Variants in ADAM9 observed in about 807,000 individuals in gnomAD.
ADAM9 encodes the protein ADAM metallopeptidase domain 9, also known as disintegrin and metalloproteinase domain-containing protein 9.
Under a neutral mutation model 108.1 loss-of-function variants are expected in ADAM9, and 54 were observed. The ratio of observed to expected loss-of-function variants is 0.50; its 90% CI spans 0.40 to 0.63. The LOEUF (loss-of-function observed/expected upper bound fraction) is 0.63. ADAM9 is among the 20% of genes least tolerant of loss of function. The pLI is 0.00. For missense variants in ADAM9, 830 were observed against 997.7 expected, an observed-to-expected ratio of 0.83 and a Z score of 2.26; for synonymous variants, 316 against 336.0, an observed-to-expected ratio of 0.94 and a Z score of 0.65.
At chr8:39,027,887 G>A (rs930451217) in intron 11 of ADAM9, among the ~76,000 whole-genome samples, 3 of 151,680 alleles carry the variant, frequency 2.0e-5, no homozygotes, top group Non-Finnish European at 2.9e-5. Flanking sequence ...TGGGCAACAC[G>A]GTGAGACCCT....
intron 15 of ADAM9, among the ~76,000 whole-genome samples, chr8:39,076,984 T>A (rs1409477586): frequency 6.6e-6 from 1 of 152,156 alleles, no homozygotes; most frequent in Non-Finnish European, 1.5e-5. Flanking sequence ...TTAAGTGTGG[T>A]AAAAGAAGAA....
At chr8:39,064,467 A>G (rs995847223) in intron 14 of ADAM9, among the ~76,000 whole-genome samples, 1 of 152,216 alleles carries the variant, frequency 6.6e-6, no homozygotes, top group African/African-American at 2.4e-5. Flanking sequence ...TCATGCGATT[A>G]TGGTAAGCAA....
intron 1 of ADAM9, 46 bp from the exon 2 acceptor site, chr8:39,007,840 A>G (rs781660406): frequency 1.3e-5 from 17 of 1,285,798 alleles, no homozygotes; most frequent in Non-Finnish European, 1.9e-5. Flanking sequence ...GTTCCCACGT[A>G]GTTTTTCAGT....
intron 20 of ADAM9, among the ~76,000 whole-genome samples, chr8:39,096,902 C>A (rs1839523663): frequency 6.6e-6 from 1 of 152,030 alleles, no homozygotes; most frequent in Admixed American, 6.5e-5. Context: ...TTCCTGATTT[C>A]TTTTAGTTGT....
intron 4 of ADAM9, chr8:39,015,451 T>C (rs1218877626): frequency 2.6e-5 from 4 of 152,222 alleles, no homozygotes; most frequent in African/African-American, 9.6e-5. Context: ...GAGTTATGCT[T>C]TTCTGGGTGT....
At chr8:39,001,147 C>T (rs942833363) in intron 1 of ADAM9, among the ~76,000 whole-genome samples, 6 of 152,158 alleles carry the variant, frequency 3.9e-5, no homozygotes, top group African/African-American at 1.4e-4. Context: ...TTGGGCCTAA[C>T]CTCCCATCCC....
chr8:39,018,625 CAT>C (rs1434648606), intron 6 of ADAM9: 1 of 552,978 alleles, frequency 1.8e-6, no homozygotes, highest in Non-Finnish European at 3.2e-6. Context: ...TCCCCTCAGA[CAT>C]AGTTTATCAT....
In ADAM9 at chr8:39,068,328, CTTG is replaced by C. The variant is rs542396055; in HGVS notation, c.1592-2967_1592-2965del. Among the ~76,000 whole-genome samples the C allele has an allele frequency of 4.2e-4, 64 of 152,080 alleles. 2 individuals carry two copies. Among genetic ancestry groups the C allele is most frequent in the Admixed American group, 3.8e-3 (58 of 15,272 alleles). Reference sequence around the variant, plus strand: ...ATCTTTAGGTTTTTTTCCTCTTGGGCTTGTTAAGATTCCCTTGTGAAGACCTTA... The same window carrying C: ...ATCTTTAGGTTTTTTTCCTCTTGGGCTTAAGATTCCCTTGTGAAGACCTTA... On this transcript the variant is annotated intron_variant, in intron 14 of 21. Coordinates refer to ENST00000487273, the MANE Select transcript of ADAM9 (RefSeq NM_003816.3).
intron 12 of ADAM9, among the ~76,000 whole-genome samples, chr8:39,048,008 C>T (rs1050217677): frequency 6.6e-6 from 1 of 151,724 alleles, no homozygotes; most frequent in African/African-American, 2.4e-5. Context: ...GCAACCTCCA[C>T]CTCCTGGTTT....
rs1199111862 is a variant in ADAM9 at position 39,104,527 on chromosome 8, A to G, written c.*827A>G. Reference sequence around the variant, plus strand: ...TAATCAAATATGTTGATTCATGGCTATAATAAAGCAGGAGCAATTATAAAA... The same window carrying G: ...TAATCAAATATGTTGATTCATGGCTGTAATAAAGCAGGAGCAATTATAAAA... On this transcript the variant is annotated 3_prime_UTR_variant, in exon 22 of 22. Coordinates refer to ENST00000487273, the MANE Select transcript of ADAM9 (RefSeq NM_003816.3). The G allele has an allele frequency of 2.6e-6, 1 of 385,736 alleles. No individual in the cohort carries two copies. The highest frequency in any genetic ancestry group is 5.0e-6 in the Non-Finnish European group (1 of 199,958). The allele number at this position is 385,736 out of a possible 1,614,324, so 23.9% of individuals were successfully genotyped here.
chr8:39,027,876 C>T (rs1290185623), intron 11 of ADAM9, among the ~76,000 whole-genome samples: 1 of 151,802 alleles, frequency 6.6e-6, no homozygotes, highest in African/African-American at 2.4e-5. Flanking sequence ...CAAGACCAAC[C>T]TGGGCAACAC....
intron 20 of ADAM9, among the ~76,000 whole-genome samples, chr8:39,091,675 C>T (rs1410237353): frequency 6.6e-6 from 1 of 152,076 alleles, no homozygotes; most frequent in Non-Finnish European, 1.5e-5. Context: ...TTCATAGAGA[C>T]GGGGTCTCAC....
intron 15 of ADAM9, 118 bp from the exon 16 acceptor site, chr8:39,077,110 T>G: frequency 8.8e-7 from 1 of 1,133,584 alleles, no homozygotes; most frequent in Admixed American, 1.9e-5. Context: ...TCATACACTT[T>G]CTCTGTTGAG....
intron 2 of ADAM9, among the ~76,000 whole-genome samples, 153 bp from the exon 3 acceptor site, chr8:39,011,505 T>G (rs947894618): frequency 6.6e-6 from 1 of 152,246 alleles, no homozygotes; most frequent in African/African-American, 2.4e-5. Flanking sequence ...TTTTATTATT[T>G]AAGAATAGAC....
intron 4 of ADAM9, 51 bp from the exon 5 acceptor site, chr8:39,016,067 A>G (rs1417073550): frequency 1.3e-6 from 2 of 1,535,732 alleles, no homozygotes; most frequent in Non-Finnish European, 1.8e-6. Context: ...TTCTGTGATG[A>G]TTTTCAGCAA....
intron 7 of ADAM9, among the ~76,000 whole-genome samples, chr8:39,020,395 T>G (rs997091267): frequency 2.6e-5 from 4 of 152,086 alleles, no homozygotes; most frequent in Non-Finnish European, 1.5e-5. Context: ...AATTAATTTT[T>G]TTTCTTGTTT....
At chr8:39,013,702 G>C (rs997225222) in intron 3 of ADAM9, among the ~76,000 whole-genome samples, 3 of 151,858 alleles carry the variant, frequency 2.0e-5, no homozygotes, top group Admixed American at 6.6e-5. Context: ...GGGTCTCACC[G>C]TGTTGCTTAG....
intron 5 of ADAM9, chr8:39,016,981 G>A (rs1036113263): frequency 5.8e-6 from 3 of 514,442 alleles, no homozygotes; most frequent in East Asian, 7.0e-5. Context: ...TCCATTTCCC[G>A]TAGATCACTC....
At chr8:39,013,835 A>G (rs1402127229) in intron 3 of ADAM9, 130 bp from the exon 4 acceptor site, 1 of 776,700 alleles carries the variant, frequency 1.3e-6, no homozygotes, top group Non-Finnish European at 2.2e-6. Context: ...TAGCACATTT[A>G]AAAATAATTT....
Sources: allele counts gnomAD v4.1 joint callset (sites outside exome capture counted in the v4.1 genomes callset), GRCh38; gene constraint gnomAD v4.1.1; transcripts MANE v1.5; gene names NCBI Gene and HGNC (gene_info 2026-07-23, HGNC 2026-07-21).